The following ANK2 variants were observed in gnomAD, a reference collection of about 807,000 sequenced individuals.
ANK2 encodes the protein ankyrin 2, also known as ankyrin-2.
Under a neutral mutation model 360.5 loss-of-function variants are expected in ANK2, and 83 were observed. The observed-to-expected ratio is 0.23, with a 90% confidence interval of 0.19 to 0.28. The LOEUF (loss-of-function observed/expected upper bound fraction) is 0.28, where lower values mean the gene tolerates loss of function less well. Ranked by LOEUF, ANK2 falls within the 10% of genes least tolerant of loss-of-function variation. ANK2 has a pLI of 1.00. For synonymous variants in ANK2, 1,740 were observed against 1,759.5 expected (o/e 0.99, Z 0.28); for missense variants, 4,201 against 4,795.7 (o/e 0.88, Z 3.66).
chr4:113,100,353 G>A (rs2092621930), intron 1 of ANK2, among the ~76,000 whole-genome samples: 2 of 152,058 alleles, frequency 1.3e-5, no homozygotes, highest in South Asian at 4.1e-4. Context: ...TATACAGATG[G>A]CAAAAGATGC....
At chr4:113,064,389 TGCC>T (rs1431160789) in intron 1 of ANK2, among the ~76,000 whole-genome samples, 2 of 152,144 alleles carry the variant, frequency 1.3e-5, no homozygotes, top group African/African-American at 4.8e-5. Context: ...CATACGCAGG[TGCC>T]AATTGTTCTG....
the ANK2 span, among the ~76,000 whole-genome samples, chr4:112,769,514 G>T: frequency 2.0e-5 from 3 of 152,242 alleles, no homozygotes; most frequent in Middle Eastern, 3.4e-3. Context: ...TTATGAAGTT[G>T]GTCATGTCTT....
intron 1 of ANK2, among the ~76,000 whole-genome samples, chr4:112,856,104 T>C: frequency 6.6e-6 from 1 of 152,218 alleles, no homozygotes; most frequent in East Asian, 1.9e-4. Flanking sequence ...ATTTTTGGAC[T>C]GTCATTTAGA....
chr4:113,044,979 G>A (rs868674175), upstream of ANK2, among the ~76,000 whole-genome samples: 8 of 152,168 alleles, frequency 5.3e-5, no homozygotes, highest in Non-Finnish European at 1.0e-4. Context: ...GTAATAGTGA[G>A]TGGGAAAGCC....
the ANK2 span, among the ~76,000 whole-genome samples, chr4:112,729,853 T>C: frequency 6.6e-6 from 1 of 151,866 alleles, no homozygotes; most frequent in South Asian, 2.1e-4. Flanking sequence ...TTTGCAGTAA[T>C]ACAAATGAAC....
intron 1 of ANK2, among the ~76,000 whole-genome samples, chr4:113,159,045 T>C (rs1412686232): frequency 6.6e-6 from 1 of 152,210 alleles, no homozygotes; most frequent in Non-Finnish European, 1.5e-5. Flanking sequence ...ATAGTAATCA[T>C]CATTATTGGC....
intron 4 of ANK2, among the ~76,000 whole-genome samples, chr4:113,224,118 C>T (rs1210000600): frequency 6.6e-6 from 1 of 152,184 alleles, no homozygotes; most frequent in Non-Finnish European, 1.5e-5. Flanking sequence ...AGAAATCACG[C>T]ACCATCAATT....
At position 113,357,214 on chromosome 4, in the gene ANK2, T is replaced by A; in HGVS notation, c.8596T>A (p.Ser2866Thr). 1 of 1,614,080 alleles carries A rather than the reference T, an allele frequency of 6.2e-7. No individual in the cohort carries two copies. Among genetic ancestry groups the A allele is most frequent in the South Asian group, 1.1e-5 (1 of 91,076 alleles). The change falls in exon 38 of 46, where the codon TCT becomes ACT. Residue 2866 changes from serine (S) to threonine (T), a missense_variant. By Grantham distance (58) the Ser-to-Thr change is moderately conservative. This residue lies in a region of ANK2 where 2,642 missense variants were observed against 2,714.5 expected (regional missense o/e 0.97). Coordinates refer to ENST00000357077, the MANE Select transcript of ANK2 (RefSeq NM_001148.6). ...AGGAAAAGAATTAGATGAAGACATA[T>A]CTGCCACATCTTCTATTCAAAAAAC... ...SEGKELDEDI[S>T]ATSSIQKTEV...
At chr4:113,075,653 C>A (rs2079615780) in intron 1 of ANK2, among the ~76,000 whole-genome samples, 1 of 152,186 alleles carries the variant, frequency 6.6e-6, no homozygotes, top group East Asian at 1.9e-4. Context: ...GCATTATTTA[C>A]CTCTTTAATC....
the ANK2 span, among the ~76,000 whole-genome samples, chr4:112,767,896 C>G: frequency 6.6e-6 from 1 of 152,186 alleles, no homozygotes; most frequent in African/African-American, 2.4e-5. Flanking sequence ...CTTTTCCCAT[C>G]TCTCTCATCC....
At position 113,356,713 on chromosome 4, in the gene ANK2, A is replaced by G. The variant is rs2095803293; in HGVS notation, c.8095A>G (p.Met2699Val). ...VQPPSPLPSSMDSNSSPEEVQ... is the reference protein window; with the variant it reads ...VQPPSPLPSSVDSNSSPEEVQ... The stretch of plus-strand genomic sequence containing the variant: ...ACCTCCTTCTCCACTTCCATCAAGC[A>G]TGGACTCCAATTCCAGTCCAGAAGA... Residue 2699 changes from methionine (M) to valine (V), a missense_variant, in exon 38 of 46, where the codon ATG becomes GTG. Met to Val is a conservative substitution (Grantham distance 21, BLOSUM62 1). Transcript: ENST00000357077. 2 of 1,614,124 alleles carry G rather than the reference A, an allele frequency of 1.2e-6. No individual in the cohort carries two copies. The highest frequency in any genetic ancestry group is 2.2e-5 in the East Asian group (1 of 44,874).
In ANK2 at chr4:113,157,118, A is replaced by G. The variant is rs2097332157; in HGVS notation, c.85-17298A>G. On this transcript the variant is annotated intron_variant, in intron 1 of 45. Transcript: ENST00000357077. ...CCATGCTTTAATAGCTCTTCAATCA[A>G]TTTGGGAGAGAAAACTTATTATGGG... Among the ~76,000 whole-genome samples, 3 of 152,214 alleles carry G rather than the reference A, an allele frequency of 2.0e-5. No homozygotes were observed. In the South Asian group the frequency reaches 6.2e-4, roughly 32 times the overall value.
At chr4:113,243,003 C>G (rs1401868354) in intron 9 of ANK2, among the ~76,000 whole-genome samples, 2 of 152,186 alleles carry the variant, frequency 1.3e-5, no homozygotes, top group South Asian at 2.1e-4. Flanking sequence ...ATATTATTTA[C>G]CATTTTTGAA....
chr4:113,126,688 A>T (rs931398091), intron 1 of ANK2, among the ~76,000 whole-genome samples: 1 of 152,158 alleles, frequency 6.6e-6, no homozygotes, highest in Admixed American at 6.6e-5. Flanking sequence ...GGAGACAACA[A>T]AGGACCCAGT....
intron 4 of ANK2, among the ~76,000 whole-genome samples, chr4:113,213,720 T>C (rs920371971): frequency 6.6e-5 from 10 of 152,134 alleles, no homozygotes; most frequent in African/African-American, 2.4e-4. Context: ...GATCAATAGA[T>C]TAAATGTTAA....
intron 1 of ANK2, among the ~76,000 whole-genome samples, chr4:112,843,917 A>G (rs1391665287): frequency 1.3e-5 from 2 of 152,130 alleles, no homozygotes; most frequent in Non-Finnish European, 2.9e-5. Context: ...TTGGACTTTA[A>G]AGCAATTGAC....
chr4:113,310,796 T>C (rs35335819), intron 23 of ANK2, among the ~76,000 whole-genome samples: 1 of 152,212 alleles, frequency 6.6e-6, no homozygotes, highest in East Asian at 1.9e-4. Context: ...TTGTATTATG[T>C]GACAGATTCT....
intron 2 of ANK2, among the ~76,000 whole-genome samples, chr4:112,942,458 C>A (rs1172494086): frequency 6.6e-6 from 1 of 151,998 alleles, no homozygotes; most frequent in Non-Finnish European, 1.5e-5. Flanking sequence ...TGATATTATG[C>A]CCATTTTGTA....
chr4:112,729,847 C>T, the ANK2 span, among the ~76,000 whole-genome samples: 1 of 151,772 alleles, frequency 6.6e-6, no homozygotes, highest in African/African-American at 2.4e-5. Flanking sequence ...CTGTCATTTG[C>T]AGTAATACAA....
Sources: gnomAD v4.1 joint callset for allele counts (sites outside exome capture counted in the v4.1 genomes callset) on GRCh38, gnomAD v4.1.1 for gene constraint, gnomAD v4.1.1 regional missense constraint, MANE v1.5 for transcripts, NCBI Gene and HGNC (gene_info 2026-07-23, HGNC 2026-07-21) for gene names.